The following PPM1L variants were observed in gnomAD, a reference collection of about 807,000 sequenced individuals.
The protein encoded by PPM1L is protein phosphatase 1L.
A neutral mutation model predicts 31.4 loss-of-function variants in PPM1L; 13 were observed. The observed-to-expected ratio is 0.41, with a 90% CI of 0.27 to 0.66. The LOEUF is 0.66. Ranked by LOEUF, PPM1L falls within the 30% of genes least tolerant of loss-of-function variation. The pLI is 0.29. For synonymous variants in PPM1L, 184 were observed against 175.4 expected, an observed-to-expected ratio of 1.05 and a Z score of -0.39; for missense variants, 326 against 453.7, an observed-to-expected ratio of 0.72 and a Z score of 2.56.
chr3:160,816,335 T>C (rs1454377918), intron 1 of PPM1L, among the ~76,000 whole-genome samples: 1 of 151,742 alleles, frequency 6.6e-6, no homozygotes, highest in Non-Finnish European at 1.5e-5. Context: ...TATTTGTGAG[T>C]ATAGTGAGAA....
intron 1 of PPM1L, among the ~76,000 whole-genome samples, chr3:160,888,428 T>C (rs1332477740): frequency 3.9e-5 from 6 of 151,992 alleles, no homozygotes; most frequent in African/African-American, 1.5e-4. Flanking sequence ...TCAAAAAGGA[T>C]AAAGAAGGGC....
At chr3:160,867,328 T>C (rs1712127806) in intron 1 of PPM1L, among the ~76,000 whole-genome samples, 2 of 45,140 alleles carry the variant, frequency 4.4e-5, no homozygotes, top group South Asian at 4.5e-4. Context: ...TTCCATGTTC[T>C]TTTTTTTTTT....
intron 1 of PPM1L, among the ~76,000 whole-genome samples, chr3:160,948,012 T>TA (rs1715462941): frequency 6.6e-6 from 1 of 152,146 alleles, no homozygotes; most frequent in South Asian, 2.1e-4. Flanking sequence ...ATCTATTACT[T>TA]TATAGAAGCA....
rs145877473 is a variant in PPM1L, at chr3:161,062,626, TAATC to T, written c.575-2774_575-2771del. On this transcript the variant is annotated intron_variant, in intron 2 of 3. Coordinates refer to ENST00000498165, the MANE Select transcript of PPM1L (RefSeq NM_139245.4). Reference sequence around the variant, plus strand: ...CTGCTTAAAACCCTTCAGTGATTCTTAATCAAATATGGGACTAAATTTTATTTTA... The same window carrying T: ...CTGCTTAAAACCCTTCAGTGATTCTTAAATATGGGACTAAATTTTATTTTA... Among the ~76,000 whole-genome samples, 330 of 152,338 alleles carry T rather than the reference TAATC, an allele frequency of 2.2e-3. 1 individual carries two copies. Among genetic ancestry groups the T allele is most frequent in the Non-Finnish European group, 3.8e-3 (256 of 68,016 alleles).
chr3:160,835,111 C>T (rs1425961121), intron 1 of PPM1L, among the ~76,000 whole-genome samples: 76 of 94,824 alleles, frequency 8.0e-4, no homozygotes, highest in African/African-American at 3.9e-3. Context: ...TTCTTTCTTC[C>T]TTCTTCTTTC....
rs1354321383 is a variant in PPM1L, at chr3:160,865,498, G to A, written c.400-96238G>A. 6.6e-5 allele frequency among the ~76,000 whole-genome samples: 10 copies of A among 152,246 alleles called. 1 individual carries two copies. The highest frequency in any genetic ancestry group is 3.9e-4 in the East Asian group (2 of 5,182). On this transcript the variant is annotated intron_variant, in intron 1 of 3. Coordinates refer to ENST00000498165, the MANE Select transcript of PPM1L (RefSeq NM_139245.4). ...CTGCTTAAAAAAAAATTAGTTGGCC[G>A]TGCGTGGTGGCTCACACCTGTAATC...
intron 1 of PPM1L, among the ~76,000 whole-genome samples, chr3:160,952,370 A>G (rs938446603): frequency 6.6e-6 from 1 of 152,168 alleles, no homozygotes; most frequent in African/African-American, 2.4e-5. Context: ...CCTTCTTTTC[A>G]AGGGCAGGGA....
chr3:160,906,891 A>G (rs1032719834), intron 1 of PPM1L, among the ~76,000 whole-genome samples: 6 of 152,244 alleles, frequency 3.9e-5, no homozygotes, highest in Admixed American at 6.5e-5. Flanking sequence ...AGCTTACAAC[A>G]TGGCAGCTGA....
chr3:161,036,692 T>C (rs1718751362), intron 2 of PPM1L, among the ~76,000 whole-genome samples: 2 of 152,230 alleles, frequency 1.3e-5, no homozygotes, highest in South Asian at 4.1e-4. Context: ...TTTTCTCCTT[T>C]TTAATGTTAC....
chr3:161,015,734 T>A (rs1217795257), intron 2 of PPM1L, among the ~76,000 whole-genome samples: 1 of 152,228 alleles, frequency 6.6e-6, no homozygotes, highest in African/African-American at 2.4e-5. Flanking sequence ...AGCTGTTGTT[T>A]GGATGGGCTA....
intron 1 of PPM1L, among the ~76,000 whole-genome samples, chr3:160,875,434 G>C (rs986301445): frequency 4.6e-5 from 7 of 152,162 alleles, no homozygotes; most frequent in African/African-American, 1.7e-4. Flanking sequence ...GATGTTGCTT[G>C]GTAGTCCCCT....
rs1367150224 is a variant in PPM1L at position 160,808,289 on chromosome 3, C to G, written c.399+51582C>G. ...AACTGCCCTTTGCCAGGATTTTCCT[C>G]TGTGTGTGTGTGTGTGTGTGTGTGT... On this transcript the variant is annotated intron_variant, in intron 1 of 3. Coordinates refer to ENST00000498165, the MANE Select transcript of PPM1L (RefSeq NM_139245.4). 6.6e-5 allele frequency among the ~76,000 whole-genome samples: 9 copies of G among 136,218 alleles called. 1 individual carries two copies. In the Middle Eastern group the frequency reaches 0.014, roughly 212 times the overall value. 89.4% of individuals were successfully genotyped at this position (136,218 alleles called of 152,430 possible).
intron 1 of PPM1L, among the ~76,000 whole-genome samples, chr3:160,911,324 A>G (rs1713964632): frequency 6.6e-6 from 1 of 152,130 alleles, no homozygotes; most frequent in Non-Finnish European, 1.5e-5. Flanking sequence ...TCTGATGGAG[A>G]TTTTGAGGGG....
intron 1 of PPM1L, among the ~76,000 whole-genome samples, chr3:160,793,377 G>C (rs766898186): frequency 6.6e-6 from 1 of 152,194 alleles, no homozygotes; most frequent in Non-Finnish European, 1.5e-5. Flanking sequence ...GCCATACAGA[G>C]ACAGAGTTCA....
chr3:160,848,399 A>G (rs955598880), intron 1 of PPM1L, among the ~76,000 whole-genome samples: 4 of 152,286 alleles, frequency 2.6e-5, no homozygotes, highest in Admixed American at 6.5e-5. Context: ...TGCTTTCTTA[A>G]TGGAGCTTTC....
Position 160,756,537 on chromosome 3 carries a change from G to A in PPM1L, c.229G>A (p.Val77Met), listed in dbSNP as rs747829404. The A allele has an allele frequency of 6.2e-7, 1 of 1,614,172 alleles. No individual in the cohort carries two copies. The highest frequency in any genetic ancestry group is 1.1e-5 in the South Asian group (1 of 91,076). ...MQNDRLGGLD[V>M]LEAEFSKTWE... is the part of the protein sequence containing the mutation. ...GAACGATCGACTCGGGGGGCTTGAT[G>A]TGCTCGAGGCCGAGTTTTCCAAGAC... Residue 77 changes from valine to methionine, a missense_variant, in exon 1 of 4, where the codon GTG (valine) becomes ATG (methionine). Transcript: ENST00000498165. The surrounding 1 kb of genome is among the most constrained non-coding windows in gnomAD (Gnocchi z 6.2).
At chr3:160,962,840 A>T (rs1716010850) in intron 2 of PPM1L, among the ~76,000 whole-genome samples, 2 of 152,040 alleles carry the variant, frequency 1.3e-5, no homozygotes, top group South Asian at 4.1e-4. Context: ...TCACCTAACC[A>T]CTTAAACAAT....
At chr3:160,948,314 C>T (rs1227805640) in intron 1 of PPM1L, among the ~76,000 whole-genome samples, 1 of 134,504 alleles carries the variant, frequency 7.4e-6, no homozygotes, top group Non-Finnish European at 1.8e-5. Flanking sequence ...TTAGGTATCT[C>T]ATTTTCCTCT....
intron 1 of PPM1L, among the ~76,000 whole-genome samples, chr3:160,835,739 C>A (rs1311448217): frequency 6.6e-6 from 1 of 152,146 alleles, no homozygotes; most frequent in Non-Finnish European, 1.5e-5. Flanking sequence ...GATTCTGCAT[C>A]ATAGAAACTA....
Sources: gnomAD v4.1 joint callset for allele counts (sites outside exome capture counted in the v4.1 genomes callset) on GRCh38, gnomAD v4.1.1 for gene constraint, Gnocchi (gnomAD v3.1) non-coding constraint, MANE v1.5 for transcripts, NCBI Gene and HGNC (gene_info 2026-07-23, HGNC 2026-07-21) for gene names.